The following ZCCHC7 variants were observed in gnomAD, a reference collection of about 807,000 sequenced individuals.
The protein encoded by ZCCHC7 is zinc finger CCHC domain-containing protein 7.
In ZCCHC7, 35 loss-of-function variants were observed where a neutral mutation model predicts 52.0. The ratio of observed to expected loss-of-function variants is 0.67; its 90% CI spans 0.51 to 0.89. The LOEUF is 0.89. Among genes scored for constraint, ZCCHC7 ranks in the 40% least tolerant of loss-of-function variants. The pLI, the probability that ZCCHC7 is intolerant of heterozygous loss-of-function variation, is 0.00. For synonymous variants in ZCCHC7, 217 were observed against 221.5 expected, an observed-to-expected ratio of 0.98 and a Z score of 0.18; for missense variants, 574 against 649.1, an observed-to-expected ratio of 0.88 and a Z score of 1.26.
intron 2 of ZCCHC7, among the ~76,000 whole-genome samples, chr9:37,158,146 A>G (rs1310049234): frequency 6.6e-6 from 1 of 152,262 alleles, no homozygotes; most frequent in Admixed American, 6.5e-5. Flanking sequence ...AATTGAGAGC[A>G]TTAGTCATTT....
chr9:37,280,966 TG>T, intron 2 of ZCCHC7, among the ~76,000 whole-genome samples: 1 of 152,322 alleles, frequency 6.6e-6, no homozygotes, highest in Non-Finnish European at 1.5e-5. Context: ...GTAATACATA[TG>T]GCAACTATAT....
chr9:37,246,327 A>G (rs905278510), intron 2 of ZCCHC7, among the ~76,000 whole-genome samples: 3 of 152,150 alleles, frequency 2.0e-5, no homozygotes, highest in East Asian at 3.8e-4. Flanking sequence ...ATGAAGCTAG[A>G]TATATAGATT....
intron 2 of ZCCHC7, among the ~76,000 whole-genome samples, chr9:37,154,139 T>G (rs1342924264): frequency 6.6e-6 from 1 of 152,118 alleles, no homozygotes; most frequent in Admixed American, 6.5e-5. Flanking sequence ...TCCTCCCGCC[T>G]CAGCCTCCCA....
intron 2 of ZCCHC7, among the ~76,000 whole-genome samples, chr9:37,211,604 T>C (rs1158313992): frequency 1.3e-5 from 2 of 152,180 alleles, no homozygotes; most frequent in Non-Finnish European, 2.9e-5. Flanking sequence ...GTCTTAGTAA[T>C]AGGATGTTAA....
At chr9:37,329,362 T>C (rs973027490) in intron 6 of ZCCHC7, among the ~76,000 whole-genome samples, 1 of 151,786 alleles carries the variant, frequency 6.6e-6, no homozygotes, top group Non-Finnish European at 1.5e-5. Context: ...TTCAGAAACA[T>C]AAATTTTAAA....
Position 37,357,058 on chromosome 9 carries a change from C to T in ZCCHC7, c.1422C>T (p.Pro474=). 1 of 1,613,712 alleles carries T rather than the reference C, an allele frequency of 6.2e-7. No individual in the cohort carries two copies. Residue 474 remains proline (P), a synonymous_variant, in exon 9 of 9, where the codon CCC becomes CCT. Coordinates refer to ENST00000336755, the MANE Select transcript of ZCCHC7 (RefSeq NM_032226.3). ...ATCGTGAAGTGGATGAGGATTTTCC[C>T]AGGGGCCCCAAAACCTACTCTTCTC... ...DRHREVDEDF[P]RGPKTYSSPG...
In ZCCHC7 at chr9:37,304,420, G is replaced by A. The variant is rs375820296; in HGVS notation, c.780+107G>A. 2.7e-5 allele frequency: 35 copies of A among 1,314,020 alleles called. No individual in the cohort carries two copies. In the East Asian group the frequency reaches 7.0e-4, roughly 26 times the overall value. The allele number at this position is 1,314,020 out of a possible 1,614,324, so 81.4% of individuals were successfully genotyped here. On this transcript the variant is annotated intron_variant, in intron 4 of 8. Coordinates refer to ENST00000336755, the MANE Select transcript of ZCCHC7 (RefSeq NM_032226.3). ...TGTAATCCCAGCACTTTGGGAAGCC[G>A]AGGCAGGTGGATCATGAGGTCAGGA...
intron 6 of ZCCHC7, among the ~76,000 whole-genome samples, chr9:37,345,292 G>C (rs1820888738): frequency 6.6e-6 from 1 of 152,134 alleles, no homozygotes; most frequent in South Asian, 2.1e-4. Context: ...GCTGCAATTT[G>C]ATGTCACGTC....
chr9:37,176,784 A>G lies in ZCCHC7; in HGVS notation c.610+49842A>G, dbSNP rs574632387. Among the ~76,000 whole-genome samples, 6 of 152,324 alleles carry G rather than the reference A, an allele frequency of 3.9e-5. No homozygotes were observed. The South Asian group carries it at 8.3e-4, about 21-fold the overall frequency. On this transcript the variant is annotated intron_variant, in intron 2 of 8. Coordinates refer to ENST00000336755, the MANE Select transcript of ZCCHC7 (RefSeq NM_032226.3). ...GCTTAAATCATATAGGATTCATTTT[A>G]GCTAAGGCTAAATTAGGGGAATAAC...
At position 37,357,523 on chromosome 9, in the gene ZCCHC7, C is replaced by T; in HGVS notation, c.*255C>T. 3.6e-6 allele frequency: 1 copy of T among 281,106 alleles called. No individual in the cohort carries two copies. Among genetic ancestry groups the T allele is most frequent in the Non-Finnish European group, 6.5e-6 (1 of 153,084 alleles). 17.4% of individuals were successfully genotyped at this position (281,106 alleles called of 1,614,324 possible). On this transcript the variant is annotated 3_prime_UTR_variant, in exon 9 of 9. Coordinates refer to ENST00000336755, the MANE Select transcript of ZCCHC7 (RefSeq NM_032226.3). ...CCAATATGTCATCTTTACTCAGAATCCTAGGGATAGGTAGAAGAATTCATC... is the reference window on the plus strand; with the variant it reads ...CCAATATGTCATCTTTACTCAGAATTCTAGGGATAGGTAGAAGAATTCATC...
intron 2 of ZCCHC7, among the ~76,000 whole-genome samples, chr9:37,301,821 A>G (rs771301050): frequency 5.3e-5 from 8 of 152,100 alleles, no homozygotes; most frequent in Admixed American, 1.3e-4. Context: ...TTAAGATTTC[A>G]TTCTGCATCT....
chr9:37,273,540 C>G (rs904655219), intron 2 of ZCCHC7, among the ~76,000 whole-genome samples: 3 of 152,136 alleles, frequency 2.0e-5, no homozygotes, highest in African/African-American at 7.2e-5. Flanking sequence ...CTGACACCTA[C>G]TCTTAGAGTG....
chr9:37,156,900 A>G (rs1472760087), intron 2 of ZCCHC7, among the ~76,000 whole-genome samples: 1 of 152,154 alleles, frequency 6.6e-6, no homozygotes, highest in Non-Finnish European at 1.5e-5. Context: ...GTAGCTAGGT[A>G]TTTTAATAAG....
At chr9:37,336,910 A>T (rs1830690904) in intron 6 of ZCCHC7, among the ~76,000 whole-genome samples, 1 of 152,090 alleles carries the variant, frequency 6.6e-6, no homozygotes, top group East Asian at 1.9e-4. Flanking sequence ...AAACCAAGCC[A>T]TTTGTCCATC....
At chr9:37,337,812 G>A (rs1339670809) in intron 6 of ZCCHC7, among the ~76,000 whole-genome samples, 1 of 152,116 alleles carries the variant, frequency 6.6e-6, no homozygotes, top group Non-Finnish European at 1.5e-5. Flanking sequence ...GAGCATTTAT[G>A]TTGCTGTCAT....
Position 37,255,493 on chromosome 9 carries a change from C to T in ZCCHC7, c.611-46695C>T, listed in dbSNP as rs545741794. On this transcript the variant is annotated intron_variant, in intron 2 of 8. Coordinates refer to ENST00000336755, the MANE Select transcript of ZCCHC7 (RefSeq NM_032226.3). ...GATTTCATCATGCTACTCAGAATGG[C>T]GTGCAGTTTAAAACTTAAGAATTGT... Among the ~76,000 whole-genome samples the T allele has an allele frequency of 4.7e-4, 71 of 152,086 alleles. 2 individuals are homozygous for T. The highest frequency in any genetic ancestry group is 4.2e-3 in the Admixed American group (64 of 15,274).
chr9:37,269,635 A>AAAC (rs2133493632), intron 2 of ZCCHC7, among the ~76,000 whole-genome samples: 1 of 149,094 alleles, frequency 6.7e-6, no homozygotes, highest in East Asian at 2.0e-4. Context: ...AAAAAAAAAA[A>AAAC]AAAAAAAAAA....
At chr9:37,142,836 T>A (rs926025785) in intron 2 of ZCCHC7, among the ~76,000 whole-genome samples, 7 of 151,810 alleles carry the variant, frequency 4.6e-5, no homozygotes, top group Non-Finnish European at 8.9e-5. Flanking sequence ...ATTCAGCACA[T>A]CAAATCAAGG....
intron 2 of ZCCHC7, among the ~76,000 whole-genome samples, chr9:37,195,562 A>T: frequency 6.6e-6 from 1 of 152,160 alleles, no homozygotes; most frequent in African/African-American, 2.4e-5. Context: ...TGTGGCATGG[A>T]AAAGGAAACA....
Sources: allele counts gnomAD v4.1 joint callset (sites outside exome capture counted in the v4.1 genomes callset), GRCh38; gene constraint gnomAD v4.1.1; transcripts MANE v1.5; gene names NCBI Gene and HGNC (gene_info 2026-07-23, HGNC 2026-07-21).